The following SHISA6 variants were observed in gnomAD, a reference collection of about 807,000 sequenced individuals.
SHISA6 encodes the protein protein shisa-6.
A neutral mutation model predicts 47.9 loss-of-function variants in SHISA6; 22 were observed. The observed-to-expected ratio is 0.46, with a 90% CI of 0.33 to 0.66. The LOEUF (loss-of-function observed/expected upper bound fraction) is 0.66. Ranked by LOEUF, SHISA6 falls within the 30% of genes least tolerant of loss-of-function variation. The pLI is 0.02. For missense variants in SHISA6, 680 were observed against 764.6 expected, an observed-to-expected ratio of 0.89 and a Z score of 1.30; for synonymous variants, 388 against 337.8, an observed-to-expected ratio of 1.15 and a Z score of -1.63.
At chr17:11,353,471 G>A (rs1260238528) in intron 2 of SHISA6, among the ~76,000 whole-genome samples, 2 of 147,752 alleles carry the variant, frequency 1.4e-5, no homozygotes, top group African/African-American at 5.1e-5. Flanking sequence ...AAAAAAAAAA[G>A]GGTGAGGCGG....
chr17:11,477,576 C>T (rs1393206147), intron 3 of SHISA6, among the ~76,000 whole-genome samples: 2 of 122,146 alleles, frequency 1.6e-5, no homozygotes, highest in African/African-American at 6.1e-5. Context: ...CCCCTCCCCC[C>T]ACCCCACAGC....
intron 2 of SHISA6, among the ~76,000 whole-genome samples, chr17:11,360,113 T>C (rs1277393061): frequency 1.3e-5 from 2 of 152,318 alleles, no homozygotes; most frequent in African/African-American, 2.4e-5. Flanking sequence ...TTAGCACATA[T>C]ACACCATGGA....
intron 2 of SHISA6, among the ~76,000 whole-genome samples, chr17:11,338,470 C>T (rs780657243): frequency 2.6e-5 from 4 of 152,122 alleles, no homozygotes; most frequent in South Asian, 2.1e-4. Context: ...GGCATGATCT[C>T]GGCTCACTGC....
rs1337883687 is a variant in SHISA6, at chr17:11,519,590, G to A, written c.896-32306G>A. ...AGGGTGGTAATAGTAGGACAACTAC[G>A]AACGTACTTAACGCCACTGACCTGT... On this transcript the variant is annotated intron_variant, in intron 3 of 5. Coordinates refer to ENST00000441885, the MANE Select transcript of SHISA6 (RefSeq NM_207386.4). Among the ~76,000 whole-genome samples the A allele has an allele frequency of 8.5e-5, 13 of 152,082 alleles. No individual in the cohort carries two copies. The East Asian group carries it at 2.3e-3, about 27-fold the overall frequency.
At chr17:11,531,200 A>C (rs572351568) in intron 3 of SHISA6, among the ~76,000 whole-genome samples, 105 of 147,800 alleles carry the variant, frequency 7.1e-4, no homozygotes, top group African/African-American at 2.5e-3. Context: ...TGAGCTGGAC[A>C]GGTTACTACT....
chr17:11,352,431 A>T (rs961441502), intron 2 of SHISA6, among the ~76,000 whole-genome samples: 1 of 152,236 alleles, frequency 6.6e-6, no homozygotes, highest in Non-Finnish European at 1.5e-5. Context: ...TAAAAGCTGA[A>T]TTATTGCAGA....
intron 1 of SHISA6, among the ~76,000 whole-genome samples, chr17:11,249,265 C>T (rs1320160469): frequency 3.3e-5 from 5 of 151,978 alleles, no homozygotes; most frequent in Admixed American, 1.3e-4. Flanking sequence ...GGCCAGAGAC[C>T]TCCCGCCATC....
intron 3 of SHISA6, among the ~76,000 whole-genome samples, chr17:11,531,402 C>T (rs1355333563): frequency 6.6e-6 from 1 of 151,882 alleles, no homozygotes; most frequent in African/African-American, 2.4e-5. Flanking sequence ...GGGTTTTCCA[C>T]AGTCTTGGAA....
At position 11,248,068 on chromosome 17, in the gene SHISA6, C is replaced by G. The variant is rs112529715; in HGVS notation, c.638+6008C>G. On this transcript the variant is annotated intron_variant, in intron 1 of 5. Transcript: ENST00000441885. ...GGATTACAGGTGTGAGACACGGAGC[C>G]TGGCCTCTAGTGTCTTTCTTTGCAG... is the stretch of plus-strand genomic sequence containing the variant. 6.6e-3 allele frequency among the ~76,000 whole-genome samples: 1,001 copies of G among 152,266 alleles called. 10 individuals are homozygous for G. Among genetic ancestry groups the G allele is most frequent in the African/African-American group, 0.023 (971 of 41,548 alleles).
intron 3 of SHISA6, among the ~76,000 whole-genome samples, chr17:11,527,177 T>A (rs2142368233): frequency 6.6e-6 from 1 of 152,214 alleles, no homozygotes; most frequent in Non-Finnish European, 1.5e-5. Context: ...AGGTGAACAT[T>A]CCTCACCATT....
At chr17:11,407,673 G>A (rs750209036) in intron 3 of SHISA6, among the ~76,000 whole-genome samples, 1 of 152,124 alleles carries the variant, frequency 6.6e-6, no homozygotes, top group Non-Finnish European at 1.5e-5. Context: ...AGACTGGGGT[G>A]CTGGAATGAG....
intron 3 of SHISA6, among the ~76,000 whole-genome samples, chr17:11,465,758 A>C (rs1028458395): frequency 6.6e-6 from 1 of 152,140 alleles, no homozygotes; most frequent in Non-Finnish European, 1.5e-5. Flanking sequence ...GCTGAGCTTC[A>C]TACATGGTCA....
intron 3 of SHISA6, among the ~76,000 whole-genome samples, chr17:11,461,971 A>T (rs963278882): frequency 6.6e-6 from 1 of 152,224 alleles, no homozygotes; most frequent in African/African-American, 2.4e-5. Context: ...ATCCTTTCCA[A>T]GGGCAAATAT....
intron 3 of SHISA6, among the ~76,000 whole-genome samples, chr17:11,436,746 T>C (rs1914954592): frequency 6.6e-6 from 1 of 152,232 alleles, no homozygotes; most frequent in Non-Finnish European, 1.5e-5. Context: ...TAGTGAATAT[T>C]ACTTATCCAT....
intron 2 of SHISA6, among the ~76,000 whole-genome samples, chr17:11,309,195 A>G (rs1038021048): frequency 6.6e-6 from 1 of 151,846 alleles, no homozygotes; most frequent in African/African-American, 2.4e-5. Flanking sequence ...GAACTCCTAG[A>G]CTCCAAGGAT....
At chr17:11,553,649 A>G (rs1025036394) in intron 4 of SHISA6, among the ~76,000 whole-genome samples, 1 of 152,156 alleles carries the variant, frequency 6.6e-6, no homozygotes, top group Admixed American at 6.5e-5. Flanking sequence ...AGTCTACTTA[A>G]TTAGTGTTCC....
chr17:11,360,641 G>A (rs1411183660), intron 2 of SHISA6, among the ~76,000 whole-genome samples: 2 of 151,912 alleles, frequency 1.3e-5, no homozygotes, highest in African/African-American at 2.4e-5. Context: ...GGGGTAGGGG[G>A]CAAGGGAAGG....
intron 2 of SHISA6, among the ~76,000 whole-genome samples, chr17:11,355,337 C>G (rs923001173): frequency 1.3e-5 from 2 of 152,234 alleles, no homozygotes; most frequent in Non-Finnish European, 2.9e-5. Flanking sequence ...AGAATCCTCC[C>G]TTTACCTTGT....
intron 1 of SHISA6, among the ~76,000 whole-genome samples, chr17:11,251,275 G>A (rs1378035596): frequency 1.3e-5 from 2 of 152,068 alleles, no homozygotes; most frequent in East Asian, 1.9e-4. Context: ...GAACCAGAAC[G>A]GCGGCCCCCA....
Sources: allele counts gnomAD v4.1 joint callset (sites outside exome capture counted in the v4.1 genomes callset), GRCh38; gene constraint gnomAD v4.1.1; transcripts MANE v1.5; gene names NCBI Gene and HGNC (gene_info 2026-07-23, HGNC 2026-07-21).